The following EML1 variants were observed in gnomAD, a reference collection of about 807,000 sequenced individuals.
EML1 encodes the protein echinoderm microtubule-associated protein-like 1.
A neutral mutation model predicts 110.4 loss-of-function variants in EML1; 27 were observed. That is an observed-to-expected ratio of 0.24 (90% CI 0.18 to 0.34). EML1 has a LOEUF of 0.34. Ranked by LOEUF, EML1 falls within the 10% of genes least tolerant of loss-of-function variation. EML1 has a pLI of 1.00. For missense variants in EML1, 741 were observed against 1,030.9 expected (o/e 0.72, Z 3.85); for synonymous variants, 344 against 385.8 (o/e 0.89, Z 1.27).
At chr14:99,750,146 C>T (rs1317789285) in intron 1 of EML1, among the ~76,000 whole-genome samples, 4 of 152,186 alleles carry the variant, frequency 2.6e-5, no homozygotes, top group African/African-American at 4.8e-5. Context: ...CAGCCTGTCA[C>T]GGGTGGAAAA....
intron 1 of EML1, among the ~76,000 whole-genome samples, chr14:99,765,160 C>T (rs1420012435): frequency 1.3e-5 from 2 of 151,822 alleles, no homozygotes; most frequent in Non-Finnish European, 2.9e-5. Context: ...AGGCTGGTGT[C>T]GAATTCCTGG....
chr14:99,806,119 A>G (rs760772744), intron 1 of EML1, among the ~76,000 whole-genome samples: 31 of 152,134 alleles, frequency 2.0e-4, no homozygotes, highest in Non-Finnish European at 4.4e-5. Flanking sequence ...TGAAAACAAT[A>G]GTTTCATGAA....
At chr14:99,742,207 C>T (rs114622470) in intron 1 of EML1, among the ~76,000 whole-genome samples, 2,093 of 152,304 alleles carry the variant, frequency 0.014, 50 homozygotes, top group African/African-American at 0.045. Flanking sequence ...CTTCTGGGTG[C>T]CTGCACATAG....
At chr14:99,792,759 T>G (rs561093531), upstream of EML1, 1 of 152,260 alleles carries the variant, frequency 6.6e-6, no homozygotes, top group Admixed American at 6.5e-5. Context: ...TGGCCCAGTG[T>G]GAGCGAAGGT....
chr14:99,933,915 T>C (rs1450635991), intron 17 of EML1, among the ~76,000 whole-genome samples: 1 of 152,056 alleles, frequency 6.6e-6, no homozygotes, highest in Non-Finnish European at 1.5e-5. Context: ...GCCAACATGG[T>C]AAAACCCCGT....
intron 1 of EML1, among the ~76,000 whole-genome samples, chr14:99,801,817 C>G (rs2057886873): frequency 6.6e-6 from 1 of 152,154 alleles, no homozygotes; most frequent in Admixed American, 6.5e-5. Context: ...CTTCCTAACT[C>G]TAGTCTTCCA....
chr14:99,770,291 C>T (rs2057410019), upstream of EML1, among the ~76,000 whole-genome samples: 2 of 152,192 alleles, frequency 1.3e-5, no homozygotes, highest in South Asian at 4.1e-4. Flanking sequence ...TCCTGGTTCA[C>T]AGACAATTGT....
At chr14:99,849,490 A>T (rs2058754864) in intron 1 of EML1, among the ~76,000 whole-genome samples, 1 of 148,726 alleles carries the variant, frequency 6.7e-6, no homozygotes, top group South Asian at 2.2e-4. Context: ...GTATCTCATA[A>T]TTGTGTGTGT....
chr14:99,740,654 G>A (rs1595223246), intron 1 of EML1, among the ~76,000 whole-genome samples: 1 of 152,290 alleles, frequency 6.6e-6, no homozygotes. Context: ...CACACACCAC[G>A]GCCAGCAAAG....
At chr14:99,756,229 G>C (rs1265854495) in intron 1 of EML1, among the ~76,000 whole-genome samples, 1 of 152,206 alleles carries the variant, frequency 6.6e-6, no homozygotes, top group Non-Finnish European at 1.5e-5. Context: ...CATCAGGGTT[G>C]GGGGCACTGA....
chr14:99,856,592 A>G (rs2139849318), intron 2 of EML1, among the ~76,000 whole-genome samples: 1 of 152,334 alleles, frequency 6.6e-6, no homozygotes, highest in Non-Finnish European at 1.5e-5. Context: ...GGCAAATTAC[A>G]GAAAAAAATC....
intron 1 of EML1, among the ~76,000 whole-genome samples, chr14:99,794,061 C>T (rs1387826258): frequency 1.3e-5 from 2 of 152,188 alleles, no homozygotes. Context: ...TTAATACAAT[C>T]TAGAGCTTTT....
chr14:99,793,690 C>A lies in EML1; in HGVS notation c.67+147C>A, dbSNP rs956055570. 26 of 482,682 alleles carry A rather than the reference C, an allele frequency of 5.4e-5. No homozygotes were observed. In the African/African-American group the frequency reaches 5.5e-4, roughly 10 times the overall value. The allele number at this position is 482,682 out of a possible 1,614,324, so 29.9% of individuals were successfully genotyped here. A position where few individuals can be genotyped will look rare whatever the true frequency, so the allele number is the denominator to read the frequency against. ...TTGTTGCGGAGGGGCGCGCGGTCCC[C>A]GTTCCCGCCGCCGGCGCATTGTGTT... On this transcript the variant is annotated intron_variant, in intron 1 of 21. Coordinates refer to ENST00000262233, the MANE Select transcript of EML1 (RefSeq NM_004434.3).
rs75430712 is a variant in EML1 at position 99,917,844 on chromosome 14, T to C, written c.1815T>C (p.Thr605=). 1 of 1,614,190 alleles carries C rather than the reference T, an allele frequency of 6.2e-7. No individual in the cohort carries two copies. The highest frequency in any genetic ancestry group is 2.2e-5 in the East Asian group (1 of 44,884). ...SGSVVAVGTL[T]GRWFVFDTET... is the part of the protein sequence containing the mutation. The stretch of plus-strand genomic sequence containing the variant: ...CTGTGGTTGCAGTCGGAACACTCAC[T>C]GGGAGGTAAGTCCATGCCAACAGCG... Residue 605 remains threonine, a synonymous_variant, in exon 16 of 22, where the codon ACT becomes ACC. Coordinates refer to ENST00000262233, the MANE Select transcript of EML1 (RefSeq NM_004434.3).
intron 17 of EML1, among the ~76,000 whole-genome samples, chr14:99,927,268 C>A (rs2060251596): frequency 6.6e-6 from 1 of 152,166 alleles, no homozygotes; most frequent in Non-Finnish European, 1.5e-5. Flanking sequence ...TTCTCTCTCT[C>A]CCTCTATTAC....
At chr14:99,872,114 T>C (rs1459726645) in intron 3 of EML1, among the ~76,000 whole-genome samples, 3 of 152,184 alleles carry the variant, frequency 2.0e-5, no homozygotes, top group Non-Finnish European at 4.4e-5. Context: ...TGAGGGTGAC[T>C]CTCAGCAAAG....
upstream of EML1, among the ~76,000 whole-genome samples, chr14:99,772,677 G>A (rs2057439623): frequency 6.6e-6 from 1 of 152,202 alleles, no homozygotes; most frequent in Non-Finnish European, 1.5e-5. Context: ...CTTCATACCA[G>A]AAGTGGAGCA....
At chr14:99,901,263 G>T (rs2059758973) in intron 9 of EML1, among the ~76,000 whole-genome samples, 1 of 152,166 alleles carries the variant, frequency 6.6e-6, no homozygotes, top group African/African-American at 2.4e-5. Flanking sequence ...AGCCACATGG[G>T]TTTGGTGATG....
At position 99,767,542 on chromosome 14, in the gene EML1, G is replaced by A. The variant is rs114193570; in HGVS notation, c.28+29682G>A. On this transcript the variant is annotated intron_variant, in intron 1 of 10. Coordinates refer to the EML1 transcript ENST00000554479. Reference sequence around the variant, plus strand: ...GCTTGAACCCAGGAAGCGGAGAGGCGGAGGTTGCAGCGAGCTGAGATCACG... The same window carrying A: ...GCTTGAACCCAGGAAGCGGAGAGGCAGAGGTTGCAGCGAGCTGAGATCACG... Among the ~76,000 whole-genome samples the A allele has an allele frequency of 6.5e-3, 991 of 152,176 alleles. 8 individuals are homozygous for A. Among genetic ancestry groups the A allele is most frequent in the African/African-American group, 0.022 (928 of 41,508 alleles).
Sources: allele counts gnomAD v4.1 joint callset (sites outside exome capture counted in the v4.1 genomes callset), GRCh38; gene constraint gnomAD v4.1.1; transcripts MANE v1.5; gene names NCBI Gene and HGNC (gene_info 2026-07-23, HGNC 2026-07-21).